The following SPTBN5 variants were observed in gnomAD, a reference collection of about 807,000 sequenced individuals.
The protein encoded by SPTBN5 is spectrin beta chain, non-erythrocytic 5.
SPTBN5 carries 513 observed loss-of-function variants against 477.6 expected under a neutral mutation model. The observed-to-expected ratio is 1.07, with a 90% confidence interval of 1.00 to 1.16. SPTBN5 has a LOEUF of 1.16. SPTBN5 is among the 50% of genes most tolerant of loss of function. SPTBN5 has a pLI of 0.00. For synonymous variants in SPTBN5, 2,169 were observed against 2,011.7 expected (o/e 1.08, Z -2.09); for missense variants, 5,062 against 4,731.8 (o/e 1.07, Z -2.05).
At chr15:41,875,820 G>A (rs1197676) in intron 21 of SPTBN5, among the ~76,000 whole-genome samples, 198 bp from the exon 22 acceptor site, 8,714 of 152,262 alleles carry the variant, frequency 0.057, 810 homozygotes, top group African/African-American at 0.2. Context: ...CAAATAGAGC[G>A]GGGTGAGCCG....
rs752473765 is a variant in SPTBN5 at position 41,857,390 on chromosome 15, G to A, written c.8469C>T (p.Gly2823=). 9 of 1,584,082 alleles carry A rather than the reference G, an allele frequency of 5.7e-6. No individual in the cohort carries two copies. The highest frequency in any genetic ancestry group is 4.0e-5 in the African/African-American group (3 of 74,126). ...GCTCCCTCTGTGTGCCCAGGAGCTC[G>A]CCCACCCCAGGCAGGGCCTGGCCCA... ...PTVGQALPGV[G]ELLGTQRELE... is the part of the protein sequence containing the mutation. The change falls in exon 51 of 68, where the codon GGC becomes GGT. Residue 2823 remains glycine (G), a synonymous_variant. Transcript: ENST00000320955.
At chr15:41,880,122 C>T in intron 14 of SPTBN5, 38 bp downstream of exon 14, 2 of 1,544,448 alleles carry the variant, frequency 1.3e-6, no homozygotes, top group Non-Finnish European at 1.7e-6. Context: ...GAGGCAGGGG[C>T]AAGGCGAGGA....
intron 26 of SPTBN5, among the ~76,000 whole-genome samples, 169 bp downstream of exon 26, chr15:41,873,323 G>C (rs2066607464): frequency 6.6e-6 from 1 of 152,152 alleles, no homozygotes; most frequent in East Asian, 1.9e-4. Flanking sequence ...AGGTTGCCTT[G>C]GAAGAAGGGG....
chr15:41,866,564 C>G, intron 36 of SPTBN5, 71 bp from the exon 37 acceptor site: 1 of 1,426,552 alleles, frequency 7.0e-7, no homozygotes, highest in Non-Finnish European at 9.1e-7. Flanking sequence ...GGCCTAGCCC[C>G]CAGCCATTCC....
At position 41,882,052 on chromosome 15, in the gene SPTBN5, C is replaced by T. The variant is rs1404978230; in HGVS notation, c.2341G>A (p.Glu781Lys). The T allele has an allele frequency of 1.9e-6, 3 of 1,557,778 alleles. 1 individual carries two copies. Among genetic ancestry groups the T allele is most frequent in the South Asian group, 2.3e-5 (2 of 85,458 alleles). ...ASCGQDQAAA[E>K]TLLRRHVRLE... ...CGCACGTGGCGCCTCAGCAGGGTCT[C>T]GGCGGCCGCCTGGTCCTGACCGCAG... Residue 781 changes from glutamate (E) to lysine (K), a missense_variant, in exon 12 of 68, where the codon GAG becomes AAG. Glu to Lys is a moderately conservative substitution (Grantham distance 56, BLOSUM62 1). Coordinates refer to ENST00000320955, the MANE Select transcript of SPTBN5 (RefSeq NM_016642.4).
In SPTBN5 at chr15:41,886,043, C is replaced by T. The variant is rs754377946; in HGVS notation, c.1212G>A (p.Glu404=). 2 of 1,579,646 alleles carry T rather than the reference C, an allele frequency of 1.3e-6. No individual in the cohort carries two copies. Among genetic ancestry groups the T allele is most frequent in the Non-Finnish European group, 8.6e-7 (1 of 1,161,404 alleles). The change falls in exon 7 of 68, where the codon GAG becomes GAA. Residue 404 remains glutamate (E), a synonymous_variant. Coordinates refer to ENST00000320955, the MANE Select transcript of SPTBN5 (RefSeq NM_016642.4). Reference sequence around the variant, plus strand: ...CCTGGCTCCTTGCAGCCTCTGCCCACTCCAGCCCTGCCCAGCACTGGGACA... The same window carrying T: ...CCTGGCTCCTTGCAGCCTCTGCCCATTCCAGCCCTGCCCAGCACTGGGACA... ...AELSQCWAGL[E]WAEAARSQAL...
chr15:41,868,687 T>A (rs2066425856), intron 32 of SPTBN5, 86 bp from the exon 33 acceptor site: 2 of 1,406,124 alleles, frequency 1.4e-6, no homozygotes, highest in South Asian at 2.5e-5. Flanking sequence ...GCAGCCCACC[T>A]GAGTCCACTC....
intron 42 of SPTBN5, 56 bp downstream of exon 42, chr15:41,862,734 G>T: frequency 6.5e-7 from 1 of 1,543,554 alleles, no homozygotes; most frequent in East Asian, 2.4e-5. Flanking sequence ...CCCCACTTGT[G>T]CCCAGGGTCC....
Position 41,856,549 on chromosome 15 carries a change from A to G in SPTBN5, c.8858T>C (p.Leu2953Pro). ...CTGCACCAGCTTGTACCCAGTGCCC[A>G]GCACCACCCGGGTCAGAGCCTCGTG... ...SSHEALTRVV[L>P]GTGYKLVQAG... The change falls in exon 53 of 68, where the codon CTG (leucine) becomes CCG (proline). Residue 2953 changes from leucine (L) to proline (P), a missense_variant. Leu to Pro is a moderately conservative substitution (Grantham distance 98). Transcript: ENST00000320955. 6.2e-7 allele frequency: 1 copy of G among 1,602,228 alleles called. No homozygotes were observed. The highest frequency in any genetic ancestry group is 8.5e-7 in the Non-Finnish European group (1 of 1,176,980).
intron 30 of SPTBN5, 21 bp downstream of exon 30, chr15:41,870,425 A>G (rs963923513): frequency 1.3e-5 from 21 of 1,612,058 alleles, no homozygotes; most frequent in Non-Finnish European, 1.7e-5. Flanking sequence ...ATCCACTTCT[A>G]GCCACCCCTC....
chr15:41,883,963 GTATTTT>G (rs1005436752), intron 7 of SPTBN5, among the ~76,000 whole-genome samples: 103 of 151,468 alleles, frequency 6.8e-4, no homozygotes, highest in African/African-American at 2.2e-3. Flanking sequence ...GCTAATTTTT[GTATTTT>G]TATTTTTATT....
At chr15:41,877,382 C>A in intron 17 of SPTBN5, 26 bp from the exon 18 acceptor site, 1 of 1,595,534 alleles carries the variant, frequency 6.3e-7, no homozygotes, top group South Asian at 1.1e-5. Flanking sequence ...GGCAGAGAGT[C>A]AAACCCCAGC....
chr15:41,848,753 G>T, intron 67 of SPTBN5, 125 bp from the exon 68 acceptor site: 1 of 1,147,696 alleles, frequency 8.7e-7, no homozygotes, highest in Non-Finnish European at 1.3e-6. Flanking sequence ...CGTGGGAGTG[G>T]ATTCCAGAGC....
At chr15:41,892,809 T>C in intron 3 of SPTBN5, 85 bp downstream of exon 3, 1 of 1,454,442 alleles carries the variant, frequency 6.9e-7, no homozygotes, top group East Asian at 2.3e-5. Flanking sequence ...CCCAGTGGCC[T>C]GGCGCAGGAA....
At position 41,864,007 on chromosome 15, in the gene SPTBN5, G is replaced by A; in HGVS notation, c.6936C>T (p.Ala2312=). The change falls in exon 40 of 68, where the codon GCC becomes GCT. Residue 2312 remains alanine (A), a synonymous_variant. Coordinates refer to ENST00000320955, the MANE Select transcript of SPTBN5 (RefSeq NM_016642.4). ...GNSAGDTVGD[A]CIRSISDLSL... ...ACAAGTCACTGATGCTCCTGATGCA[G>A]GCATCACCCACTGTGTCCTGCAGGG... 6.2e-7 allele frequency: 1 copy of A among 1,613,318 alleles called. No homozygotes were observed. The highest frequency in any genetic ancestry group is 8.5e-7 in the Non-Finnish European group (1 of 1,179,768).
rs553483025 is a variant in SPTBN5 at position 41,868,001 on chromosome 15, G to T, written c.6207+68C>A. ...CCAGAGAGGCAGGAGGAAAGGGACT[G>T]AGCAGAGAGGAGAATAGAAAGGAGG... On this transcript the variant is annotated intron_variant, in intron 34 of 67. Coordinates refer to ENST00000320955, the MANE Select transcript of SPTBN5 (RefSeq NM_016642.4). 64 of 1,511,534 alleles carry T rather than the reference G, an allele frequency of 4.2e-5. 1 individual carries two copies. In the South Asian group the frequency reaches 7.8e-4, roughly 18 times the overall value. 93.6% of individuals were successfully genotyped at this position (1,511,534 alleles called of 1,614,324 possible).
Position 41,854,078 on chromosome 15 carries a change from G to A in SPTBN5, c.9746C>T (p.Thr3249Ile). 5 of 1,576,870 alleles carry A rather than the reference G, an allele frequency of 3.2e-6. No homozygotes were observed. The highest frequency in any genetic ancestry group is 4.3e-6 in the Non-Finnish European group (5 of 1,163,432). Residue 3249 changes from threonine to isoleucine, a missense_variant, in exon 57 of 68, where the codon ACC becomes ATC. Thr to Ile is a moderately conservative substitution (Grantham distance 89). Transcript: ENST00000320955. ...DGGHSLSSVR[T>I]LQQQHRRLER... ...CAGGCGCCTGTGCTGTTGCTGCAGGGTCCGCACAGATGACAGGCTGTGGCC... is the reference window on the plus strand; with the variant it reads ...CAGGCGCCTGTGCTGTTGCTGCAGGATCCGCACAGATGACAGGCTGTGGCC...
chr15:41,849,646 G>T (rs1292129577), intron 67 of SPTBN5, among the ~76,000 whole-genome samples: 1 of 152,178 alleles, frequency 6.6e-6, no homozygotes, highest in Admixed American at 6.5e-5. Flanking sequence ...CCTGGAGTGA[G>T]CCCTGGGAGG....
At position 41,886,371 on chromosome 15, in the gene SPTBN5, T is replaced by G; in HGVS notation, c.889-5A>C. On this transcript the variant is annotated splice_region_variant and splice_polypyrimidine_tract_variant and intron_variant, in intron 6 of 67. Coordinates refer to ENST00000320955, the MANE Select transcript of SPTBN5 (RefSeq NM_016642.4). ...CTCCTGGAGCTGAAGCAGGATCTGG[T>G]GGAGGGCATAGGAAGGGGTCAGGGT... is the stretch of plus-strand genomic sequence containing the variant. 2 of 1,590,726 alleles carry G rather than the reference T, an allele frequency of 1.3e-6. No individual in the cohort carries two copies. The highest frequency in any genetic ancestry group is 1.7e-6 in the Non-Finnish European group (2 of 1,168,662).
Sources: gnomAD v4.1 joint callset for allele counts (sites outside exome capture counted in the v4.1 genomes callset) on GRCh38, gnomAD v4.1.1 for gene constraint, MANE v1.5 for transcripts, NCBI Gene and HGNC (gene_info 2026-07-23, HGNC 2026-07-21) for gene names.